Variants in DLC1 observed in about 807,000 individuals in gnomAD.
DLC1 encodes the protein rho GTPase-activating protein 7.
DLC1 carries 54 observed loss-of-function variants against 140.3 expected under a neutral mutation model. The ratio of observed to expected loss-of-function variants is 0.38; its 90% CI spans 0.31 to 0.48. DLC1 has a LOEUF of 0.48. DLC1 is among the 20% of genes least tolerant of loss of function. The pLI, the probability that DLC1 is intolerant of heterozygous loss-of-function variation, is 0.96. For missense variants in DLC1, 2,536 were observed against 1,907.0 expected, an observed-to-expected ratio of 1.33 and a Z score of -6.14; for synonymous variants, 986 against 728.1, an observed-to-expected ratio of 1.35 and a Z score of -5.70.
intron 5 of DLC1, among the ~76,000 whole-genome samples, chr8:13,123,419 C>A (rs1414805523): frequency 3.3e-5 from 5 of 152,066 alleles, no homozygotes; most frequent in African/African-American, 1.2e-4. Context: ...TGGCTCACTG[C>A]AACCTCTGTC....
intron 5 of DLC1, among the ~76,000 whole-genome samples, chr8:13,287,675 A>G (rs1831581742): frequency 6.6e-6 from 1 of 152,226 alleles, no homozygotes; most frequent in African/African-American, 2.4e-5. Flanking sequence ...TCCCAAGGGA[A>G]CAGAGGTATT....
chr8:13,556,996 T>C (rs921609901), intron 1 of DLC1, among the ~76,000 whole-genome samples: 2 of 152,182 alleles, frequency 1.3e-5, no homozygotes, highest in Admixed American at 6.5e-5. Flanking sequence ...CAACTGTGAA[T>C]TTATTTATAA....
chr8:13,215,108 A>G (rs1828132750), intron 5 of DLC1, among the ~76,000 whole-genome samples: 1 of 152,122 alleles, frequency 6.6e-6, no homozygotes, highest in Admixed American at 6.5e-5. Flanking sequence ...ACAGCCCCAA[A>G]TCCCTGCCCT....
rs750726000 is a variant in DLC1 at position 13,095,114 on chromosome 8, C to T, written c.3299G>A (p.Arg1100Gln). Residue 1100 changes from arginine to glutamine, a missense_variant, in exon 11 of 18, where the codon CGA becomes CAA. Arg to Gln is a conservative substitution (Grantham distance 43, BLOSUM62 1). Transcript: ENST00000276297. Reference protein sequence around the residue: ...PLPQSIQQAMRYLRNHCLDQV... With the variant: ...PLPQSIQQAMQYLRNHCLDQV... ...ATCCAAACAATGGTTCCGGAGGTAT[C>T]GCATGGCCTGCTGGATGCTCTGAGG... 4.5e-5 allele frequency: 73 copies of T among 1,614,248 alleles called. No individual in the cohort carries two copies. Among genetic ancestry groups the T allele is most frequent in the Middle Eastern group, 1.6e-4 (1 of 6,062 alleles).
intron 5 of DLC1, among the ~76,000 whole-genome samples, chr8:13,215,955 C>G (rs937809907): frequency 2.0e-5 from 3 of 152,164 alleles, no homozygotes; most frequent in Non-Finnish European, 4.4e-5. Flanking sequence ...CCCACCAGAT[C>G]CCTCTTACCC....
chr8:13,460,151 G>A (rs1799593409), intron 2 of DLC1, among the ~76,000 whole-genome samples: 3 of 152,148 alleles, frequency 2.0e-5, no homozygotes, highest in Admixed American at 6.5e-5. Flanking sequence ...ATCCTTACCT[G>A]ATATGTCTTA....
At chr8:13,130,686 A>T (rs1470807345) in intron 5 of DLC1, among the ~76,000 whole-genome samples, 2 of 152,220 alleles carry the variant, frequency 1.3e-5, no homozygotes, top group Non-Finnish European at 2.9e-5. Flanking sequence ...TTCTCATGAA[A>T]TCTGCAATTG....
chr8:13,138,736 G>C (rs539907923), intron 5 of DLC1, among the ~76,000 whole-genome samples: 1 of 152,210 alleles, frequency 6.6e-6, no homozygotes, highest in African/African-American at 2.4e-5. Flanking sequence ...ACCCCAATCT[G>C]GGTTCTCCCC....
intron 1 of DLC1, among the ~76,000 whole-genome samples, chr8:13,549,549 C>G (rs1022452580): frequency 2.0e-5 from 3 of 152,084 alleles, no homozygotes; most frequent in Admixed American, 2.0e-4. Flanking sequence ...AACTAACACA[C>G]ATAACATAAC....
rs1051070209 is a variant in DLC1 at position 13,398,637 on chromosome 8, T to G, written c.1173+2833A>C. ...AAAAAAAAAAAAAATTAGCCAGCCA[T>G]GGCGATGCATGCCTGTAGTCCCAAC... On this transcript the variant is annotated intron_variant, in intron 3 of 17. Transcript: ENST00000276297. Among the ~76,000 whole-genome samples, 2 of 142,132 alleles carry G rather than the reference T, an allele frequency of 1.4e-5. 1 individual carries two copies. The highest frequency in any genetic ancestry group is 4.5e-4 in the South Asian group (2 of 4,468). The allele number at this position is 142,132 out of a possible 152,430, so 93.2% of individuals were successfully genotyped here. A position where few individuals can be genotyped will look rare whatever the true frequency, so the allele number is the denominator to read the frequency against.
At chr8:13,553,985 C>T (rs572096450) in intron 1 of DLC1, among the ~76,000 whole-genome samples, 17 of 152,094 alleles carry the variant, frequency 1.1e-4, no homozygotes, top group Admixed American at 5.2e-4. Flanking sequence ...CATTAGTATT[C>T]GGGACTTCTT....
chr8:13,103,470 TCTTA>T (rs1554573061), intron 7 of DLC1, among the ~76,000 whole-genome samples: 2 of 152,124 alleles, frequency 1.3e-5, no homozygotes, highest in Non-Finnish European at 2.9e-5. Context: ...AATGAGTTGT[TCTTA>T]CTAAGAAAAA....
intron 5 of DLC1, among the ~76,000 whole-genome samples, chr8:13,227,855 A>G (rs549138615): frequency 1.7e-4 from 26 of 152,298 alleles, no homozygotes; most frequent in Non-Finnish European, 3.1e-4. Flanking sequence ...AATTCCCATA[A>G]CTGGCTTGGT....
intron 5 of DLC1, chr8:13,116,017 T>A (rs1820530299): frequency 2.2e-6 from 1 of 456,634 alleles, no homozygotes; most frequent in African/African-American, 2.1e-5. Flanking sequence ...CTGGCCGGCC[T>A]ATTGTACTAC....
chr8:13,097,654 T>C (rs1818617899), intron 10 of DLC1, among the ~76,000 whole-genome samples: 1 of 152,226 alleles, frequency 6.6e-6, no homozygotes, highest in African/African-American at 2.4e-5. Context: ...TAAATCTTAT[T>C]GTTTTCCTTT....
chr8:13,496,785 C>CTTTTTTTTTTTTTTTTTTTTTTTTTT lies in DLC1; in HGVS notation c.1023+2263_1023+2264insAAAAAAAAAAAAAAAAAAAAAAAAAA, dbSNP rs1491502803. On this transcript the variant is annotated intron_variant, in intron 2 of 17. Transcript: ENST00000276297. ...TAATTAACAAATTCTTAGACCATTT[C>CTTTTTTTTTTTTTTTTTTTTTTTTTT]CTTTTTTTTTTTTTTTTTTTTTTTT... Among the ~76,000 whole-genome samples the CTTTTTTTTTTTTTTTTTTTTTTTTTT allele has an allele frequency of 1.5e-3, 13 of 8,648 alleles. 4 individuals are homozygous for CTTTTTTTTTTTTTTTTTTTTTTTTTT. Among genetic ancestry groups the CTTTTTTTTTTTTTTTTTTTTTTTTTT allele is most frequent in the Admixed American group, 2.8e-3 (4 of 1,436 alleles). The allele number at this position is 8,648 out of a possible 152,430, so 5.7% of individuals were successfully genotyped here.
chr8:13,193,719 A>G (rs969613900), intron 5 of DLC1, among the ~76,000 whole-genome samples: 1 of 152,156 alleles, frequency 6.6e-6, no homozygotes, highest in African/African-American at 2.4e-5. Flanking sequence ...GGATGATTCA[A>G]CCTCTTTGAG....
At chr8:13,096,129 A>G (rs776647523) in intron 10 of DLC1, 3 of 152,222 alleles carry the variant, frequency 2.0e-5, no homozygotes, top group Non-Finnish European at 2.9e-5. Flanking sequence ...GGCAAGGCCA[A>G]ACAGGAAAAG....
chr8:13,144,422 A>G (rs1020506816), intron 5 of DLC1, among the ~76,000 whole-genome samples: 9 of 152,120 alleles, frequency 5.9e-5, no homozygotes, highest in African/African-American at 2.2e-4. Context: ...CGGATGGTGT[A>G]TTATGGGACT....
Sources: gnomAD v4.1 joint callset for allele counts (sites outside exome capture counted in the v4.1 genomes callset) on GRCh38, gnomAD v4.1.1 for gene constraint, MANE v1.5 for transcripts, NCBI Gene and HGNC (gene_info 2026-07-23, HGNC 2026-07-21) for gene names.